Variants in PCDHA4 observed in about 807,000 individuals in gnomAD.
PCDHA4 encodes protocadherin alpha 4.
Under a neutral mutation model 61.4 loss-of-function variants are expected in PCDHA4, and 49 were observed. The observed-to-expected ratio is 0.80, with a 90% CI of 0.63 to 1.01. The LOEUF (loss-of-function observed/expected upper bound fraction) is 1.01, where lower values mean the gene tolerates loss of function less well. Ranked by LOEUF, PCDHA4 falls within the 50% of genes least tolerant of loss-of-function variation. The pLI is 0.00. For missense variants in PCDHA4, 1,254 were observed against 1,235.8 expected, an observed-to-expected ratio of 1.01 and a Z score of -0.22; for synonymous variants, 590 against 550.3, an observed-to-expected ratio of 1.07 and a Z score of -1.01.
intron 1 of PCDHA4, chr5:140,863,226 C>CCGA: frequency 1.7e-6 from 2 of 1,160,306 alleles, no homozygotes; most frequent in Non-Finnish European, 2.5e-6. Context: ...CGAGGAAGGT[C>CCGA]CCATCGCGGG....
At chr5:140,882,460 C>T in intron 1 of PCDHA4, 4 of 1,613,998 alleles carry the variant, frequency 2.5e-6, no homozygotes, top group Non-Finnish European at 3.4e-6. Context: ...CGCGCCTGTT[C>T]CGGGTGGCGT....
intron 1 of PCDHA4, 104 bp downstream of exon 1, chr5:140,809,676 A>G: frequency 7.2e-7 from 1 of 1,388,146 alleles, no homozygotes; most frequent in Non-Finnish European, 9.7e-7. Context: ...TTAAAATTTT[A>G]CCTCTTTTTA....
intron 1 of PCDHA4, chr5:140,968,891 A>G (rs782512271): frequency 1.5e-5 from 24 of 1,614,060 alleles, no homozygotes; most frequent in South Asian, 1.1e-4. Context: ...CCTTTATCTA[A>G]TAATAGCATT....
At chr5:140,884,317 G>C (rs1401667312) in intron 1 of PCDHA4, 15 of 1,613,780 alleles carry the variant, frequency 9.3e-6, no homozygotes, top group Non-Finnish European at 1.3e-5. Context: ...CGAGGGCGTC[G>C]GCAGGCGCTG....
At chr5:140,945,147 T>C (rs1554216774) in intron 1 of PCDHA4, among the ~76,000 whole-genome samples, 1 of 152,154 alleles carries the variant, frequency 6.6e-6, no homozygotes, top group Non-Finnish European at 1.5e-5. Flanking sequence ...ATAGCATTTC[T>C]ATACACTATT....
At position 140,869,261 on chromosome 5, in the gene PCDHA4, G is replaced by A. The variant is rs782291113; in HGVS notation, c.2385+59689G>A. 3 of 1,613,572 alleles carry A rather than the reference G, an allele frequency of 1.9e-6. No individual in the cohort carries two copies. In the Admixed American group the frequency reaches 5.0e-5, roughly 27 times the overall value. On this transcript the variant is annotated intron_variant, in intron 1 of 3. Transcript: ENST00000530339. ...GTGGGCCGCATCGCGCAGGACCTGG[G>A]GCTGGAGCTGGCGGAGCTGGTGCAG...
chr5:140,841,709 C>T, intron 1 of PCDHA4: 1 of 1,613,900 alleles, frequency 6.2e-7, no homozygotes, highest in South Asian at 1.1e-5. Context: ...TAATGACAAC[C>T]CGCCAGTGTT....
chr5:140,852,729 T>C, intron 1 of PCDHA4: 1 of 983,952 alleles, frequency 1.0e-6, no homozygotes, highest in South Asian at 4.8e-5. Flanking sequence ...TTTTTCAAGT[T>C]TCATGTGCCA....
At position 140,808,984 on chromosome 5, in the gene PCDHA4, T is replaced by C. The variant is rs17844281; in HGVS notation, c.1797T>C (p.Ala599=). 2.5e-4 allele frequency: 399 copies of C among 1,613,658 alleles called. No individual in the cohort carries two copies. In the East Asian group the frequency reaches 8.1e-3, roughly 33 times the overall value. The change falls in exon 1 of 4, where the codon GCT becomes GCC. Residue 599 remains alanine, a synonymous_variant. Transcript: ENST00000530339. ...TGGCAAAGGTGCGCGCGGTGGATGC[T>C]GACTCGGGCTACAACGCGTGGCTTT... ...HVVAKVRAVD[A]DSGYNAWLSY...
chr5:140,959,532 T>C (rs919329459), intron 1 of PCDHA4, among the ~76,000 whole-genome samples: 1 of 152,198 alleles, frequency 6.6e-6, no homozygotes, highest in Admixed American at 6.5e-5. Context: ...GACCATTAAT[T>C]CAGAGATGCT....
chr5:140,908,169 C>T (rs1361651305), intron 1 of PCDHA4, among the ~76,000 whole-genome samples: 2 of 152,192 alleles, frequency 1.3e-5, no homozygotes, highest in African/African-American at 4.8e-5. Context: ...TGTAGTGCTG[C>T]AGCTGTCCAC....
intron 1 of PCDHA4, chr5:140,823,165 A>C: frequency 6.2e-7 from 1 of 1,613,828 alleles, no homozygotes; most frequent in East Asian, 2.2e-5. Context: ...CGTGTTCGTG[A>C]AGGAGAACAA....
intron 1 of PCDHA4, chr5:140,823,311 G>A (rs782814262): frequency 6.2e-7 from 1 of 1,612,232 alleles, no homozygotes; most frequent in Non-Finnish European, 8.5e-7. Flanking sequence ...TGCACGCGGA[G>A]AGCGGCAAGG....
intron 1 of PCDHA4, 119 bp from the exon 2 acceptor site, chr5:140,978,830 C>A: frequency 1.3e-6 from 2 of 1,535,340 alleles, no homozygotes; most frequent in Non-Finnish European, 1.8e-6. Context: ...TGAAATGGCT[C>A]ATTCAATACT....
At chr5:140,855,112 C>T (rs2043341257) in intron 1 of PCDHA4, among the ~76,000 whole-genome samples, 1 of 149,738 alleles carries the variant, frequency 6.7e-6, no homozygotes, top group South Asian at 2.1e-4. Flanking sequence ...ATAATTAAGG[C>T]ATTCTATAGG....
intron 1 of PCDHA4, among the ~76,000 whole-genome samples, chr5:140,943,664 T>G (rs1404337303): frequency 6.6e-6 from 1 of 151,998 alleles, no homozygotes; most frequent in Non-Finnish European, 1.5e-5. Flanking sequence ...GAACAATGTA[T>G]AAAGTGTGAA....
At chr5:140,976,486 G>T (rs782708902) in intron 1 of PCDHA4, among the ~76,000 whole-genome samples, 1 of 152,078 alleles carries the variant, frequency 6.6e-6, no homozygotes, top group Non-Finnish European at 1.5e-5. Context: ...GGGAGGCAGA[G>T]GTTGCAGGGA....
At chr5:140,889,240 T>C (rs782266675) in intron 1 of PCDHA4, among the ~76,000 whole-genome samples, 4 of 151,692 alleles carry the variant, frequency 2.6e-5, no homozygotes, top group Non-Finnish European at 4.4e-5. Context: ...TTCCAGAAAA[T>C]TTTCTGTTTC....
At chr5:140,969,045 C>A (rs782611179) in intron 1 of PCDHA4, 1 of 1,614,090 alleles carries the variant, frequency 6.2e-7, no homozygotes, top group Admixed American at 1.7e-5. Context: ...TACAAACAAG[C>A]CAACAACAAT....
Sources: allele counts gnomAD v4.1 joint callset (sites outside exome capture counted in the v4.1 genomes callset), GRCh38; gene constraint gnomAD v4.1.1; transcripts MANE v1.5; gene names NCBI Gene and HGNC (gene_info 2026-07-23, HGNC 2026-07-21).